Variants in MOCOS observed in about 807,000 individuals in gnomAD.
MOCOS encodes molybdenum cofactor sulfurase, also known as human molybdenum cofactor sulfurase.
MOCOS carries 86 observed loss-of-function variants against 83.6 expected under a neutral mutation model. The ratio of observed to expected loss-of-function variants is 1.03; its 90% CI spans 0.86 to 1.23. The LOEUF (loss-of-function observed/expected upper bound fraction) is 1.23, where lower values mean the gene tolerates loss of function less well. MOCOS is among the 50% of genes most tolerant of loss of function. MOCOS has a pLI of 0.00. For synonymous variants in MOCOS, 445 were observed against 434.7 expected, an observed-to-expected ratio of 1.02 and a Z score of -0.29; for missense variants, 1,120 against 1,126.9, an observed-to-expected ratio of 0.99 and a Z score of 0.09.
intron 9 of MOCOS, among the ~76,000 whole-genome samples, chr18:36,244,868 A>G (rs1196263219): frequency 6.6e-6 from 1 of 152,110 alleles, no homozygotes; most frequent in African/African-American, 2.4e-5. Context: ...TCTTTTTATT[A>G]TTATATAATA....
intron 13 of MOCOS, among the ~76,000 whole-genome samples, chr18:36,262,641 G>GTGTCA (rs2144155268): frequency 6.6e-6 from 1 of 152,192 alleles, no homozygotes; most frequent in Admixed American, 6.5e-5. Flanking sequence ...TGGGACTACA[G>GTGTCA]GCGTGCACCA....
At chr18:36,260,584 C>T (rs1350307078) in intron 13 of MOCOS, among the ~76,000 whole-genome samples, 1 of 152,158 alleles carries the variant, frequency 6.6e-6, no homozygotes, top group South Asian at 2.1e-4. Context: ...CCCATGGCCA[C>T]CCACTCTTCC....
At chr18:36,227,449 G>T (rs1017025240) in intron 9 of MOCOS, among the ~76,000 whole-genome samples, 1 of 151,370 alleles carries the variant, frequency 6.6e-6, no homozygotes, top group African/African-American at 2.4e-5. Flanking sequence ...AGGCTGGAGT[G>T]CAGTGGCATG....
At chr18:36,240,988 C>T (rs958391534) in intron 9 of MOCOS, among the ~76,000 whole-genome samples, 12 of 152,226 alleles carry the variant, frequency 7.9e-5, no homozygotes, top group African/African-American at 1.4e-4. Flanking sequence ...CGCCCTGCTT[C>T]GGCTCGCGCA....
intron 9 of MOCOS, among the ~76,000 whole-genome samples, chr18:36,238,772 T>C (rs2144940789): frequency 8.7e-6 from 1 of 115,226 alleles, no homozygotes; most frequent in East Asian, 2.3e-4. Context: ...GGAGTCTAAG[T>C]CTCTTTGTAG....
At chr18:36,201,088 C>T (rs969068148) in intron 4 of MOCOS, among the ~76,000 whole-genome samples, 1 of 152,208 alleles carries the variant, frequency 6.6e-6, no homozygotes, top group African/African-American at 2.4e-5. Flanking sequence ...ATCCAGGGTT[C>T]TGCTGGGTCA....
intron 11 of MOCOS, among the ~76,000 whole-genome samples, chr18:36,251,666 C>T (rs748896125): frequency 1.3e-4 from 20 of 152,188 alleles, no homozygotes; most frequent in African/African-American, 4.1e-4. Context: ...CAATCAATGG[C>T]GTGACCTTGG....
intron 6 of MOCOS, among the ~76,000 whole-genome samples, chr18:36,211,721 AGT>A (rs2144912486): frequency 6.6e-6 from 1 of 152,214 alleles, no homozygotes; most frequent in South Asian, 2.1e-4. Flanking sequence ...ACAAAGGGTA[AGT>A]GTGGCTGCAA....
intron 5 of MOCOS, among the ~76,000 whole-genome samples, chr18:36,204,208 T>C (rs563146560): frequency 6.6e-6 from 1 of 152,302 alleles, no homozygotes; most frequent in South Asian, 2.1e-4. Context: ...ACAGAAACTC[T>C]GTACCCATTA....
chr18:36,257,359 T>C lies in MOCOS; in HGVS notation c.2270+286T>C, dbSNP rs74849490. On this transcript the variant is annotated intron_variant, in intron 12 of 14. Transcript: ENST00000261326. ...ACTGTTTAATCATTCAATTTCTTAA[T>C]GTTTGTTTTAATTGAATTGCCACCA... 6.6e-3 allele frequency among the ~76,000 whole-genome samples: 999 copies of C among 152,344 alleles called. 9 individuals are homozygous for C. The highest frequency in any genetic ancestry group is 0.023 in the African/African-American group (945 of 41,570).
chr18:36,238,049 G>C (rs1169019970), intron 9 of MOCOS, among the ~76,000 whole-genome samples: 1 of 150,514 alleles, frequency 6.6e-6, no homozygotes, highest in Non-Finnish European at 1.5e-5. Context: ...TCTTGCTAGT[G>C]GTCTATCAAT....
intron 13 of MOCOS, among the ~76,000 whole-genome samples, chr18:36,265,393 A>G (rs1345203915): frequency 1.3e-5 from 2 of 152,192 alleles, no homozygotes; most frequent in Non-Finnish European, 2.9e-5. Flanking sequence ...CTAATCAGTG[A>G]TTTCATCCTG....
At chr18:36,245,908 A>G (rs1323117183) in intron 9 of MOCOS, among the ~76,000 whole-genome samples, 2 of 152,082 alleles carry the variant, frequency 1.3e-5, no homozygotes, top group South Asian at 2.1e-4. Flanking sequence ...TACTTTTTCA[A>G]TACTATTGCT....
chr18:36,192,372 A>G (rs560602969), intron 1 of MOCOS, among the ~76,000 whole-genome samples: 5 of 152,380 alleles, frequency 3.3e-5, no homozygotes, highest in South Asian at 4.1e-4. Flanking sequence ...AAAAATAATA[A>G]AATACACAGA....
chr18:36,198,709 C>G lies in MOCOS; in HGVS notation c.252C>G (p.Asn84Lys). 6.2e-7 allele frequency: 1 copy of G among 1,614,178 alleles called. No individual in the cohort carries two copies. Among genetic ancestry groups the G allele is most frequent in the Non-Finnish European group, 8.5e-7 (1 of 1,180,024 alleles). Residue 84 changes from asparagine to lysine, a missense_variant, in exon 3 of 15, where the codon AAC (asparagine) becomes AAG (lysine). Physicochemically the swap from Asn to Lys is moderately conservative, Grantham distance 94. Coordinates refer to ENST00000261326, the MANE Select transcript of MOCOS (RefSeq NM_017947.4). The part of the protein sequence containing the change: ...ENTYGNPHSQ[N>K]ISSKLTHDTV... ...TGCCAGGTAATCCTCACAGCCAGAACATCAGCAGCAAGCTCACCCATGACA... is the reference window on the plus strand; with the variant it reads ...TGCCAGGTAATCCTCACAGCCAGAAGATCAGCAGCAAGCTCACCCATGACA...
chr18:36,221,658 G>T (rs1434864294), intron 9 of MOCOS, among the ~76,000 whole-genome samples: 2 of 149,366 alleles, frequency 1.3e-5, no homozygotes, highest in Admixed American at 1.3e-4. Context: ...TGTTCCCGTG[G>T]TTTATTTTTC....
chr18:36,200,809 G>A (rs2091410957), intron 4 of MOCOS, among the ~76,000 whole-genome samples: 1 of 152,238 alleles, frequency 6.6e-6, no homozygotes, highest in Non-Finnish European at 1.5e-5. Flanking sequence ...CTAGTTAGCA[G>A]GAGGAATCAG....
chr18:36,209,507 G>A (rs2091446592), intron 6 of MOCOS, among the ~76,000 whole-genome samples: 1 of 150,984 alleles, frequency 6.6e-6, no homozygotes, highest in Non-Finnish European at 1.5e-5. Context: ...CTTCCCCCCT[G>A]AGTCCCCAAA....
chr18:36,210,158 T>A (rs1223332057), intron 6 of MOCOS, among the ~76,000 whole-genome samples: 1 of 152,224 alleles, frequency 6.6e-6, no homozygotes, highest in East Asian at 1.9e-4. Context: ...CCTTATAGAA[T>A]GAGTTAGGGA....
Sources: gnomAD v4.1 joint callset for allele counts (sites outside exome capture counted in the v4.1 genomes callset) on GRCh38, gnomAD v4.1.1 for gene constraint, MANE v1.5 for transcripts, NCBI Gene and HGNC (gene_info 2026-07-23, HGNC 2026-07-21) for gene names.